The following MYO3B variants were observed in gnomAD, a reference collection of about 807,000 sequenced individuals.
MYO3B encodes myosin-IIIb.
MYO3B carries 156 observed loss-of-function variants against 174.6 expected under a neutral mutation model. That is an observed-to-expected ratio of 0.89 (90% CI 0.78 to 1.02). The LOEUF (loss-of-function observed/expected upper bound fraction) is 1.02, where lower values mean the gene tolerates loss of function less well. Ranked by LOEUF, MYO3B falls within the 50% of genes least tolerant of loss-of-function variation. The pLI is 0.00. For synonymous variants in MYO3B, 563 were observed against 569.1 expected, an observed-to-expected ratio of 0.99 and a Z score of 0.15; for missense variants, 1,632 against 1,639.4, an observed-to-expected ratio of 1.00 and a Z score of 0.08.
chr2:170,357,339 T>TTA (rs10675765), intron 8 of MYO3B, among the ~76,000 whole-genome samples: 37,707 of 145,224 alleles, frequency 0.26, 5,447 homozygotes, highest in Middle Eastern at 0.38. Context: ...ATAATATATA[T>TTA]TATATATATA....
At chr2:170,246,368 C>G (rs146871180) in intron 7 of MYO3B, among the ~76,000 whole-genome samples, 1,638 of 152,276 alleles carry the variant, frequency 0.011, 8 homozygotes, top group Middle Eastern at 0.068. Flanking sequence ...GGTGTGCCCC[C>G]TACAAACAGG....
intron 6 of MYO3B, among the ~76,000 whole-genome samples, chr2:170,231,778 C>G (rs948146244): frequency 6.6e-6 from 1 of 152,222 alleles, no homozygotes; most frequent in Admixed American, 6.5e-5. Context: ...ACTGTTCACT[C>G]TAGCTAATTT....
intron 8 of MYO3B, among the ~76,000 whole-genome samples, chr2:170,352,490 A>G (rs1426215095): frequency 6.6e-6 from 1 of 152,184 alleles, no homozygotes; most frequent in African/African-American, 2.4e-5. Flanking sequence ...AGAGATTTCT[A>G]TCTATATGAC....
At chr2:170,300,298 G>C (rs1306049631) in intron 7 of MYO3B, among the ~76,000 whole-genome samples, 1 of 152,162 alleles carries the variant, frequency 6.6e-6, no homozygotes, top group African/African-American at 2.4e-5. Context: ...CTGCTACAAT[G>C]ATGAGCTATG....
chr2:170,322,221 A>T (rs2093833585), intron 7 of MYO3B, among the ~76,000 whole-genome samples: 1 of 152,166 alleles, frequency 6.6e-6, no homozygotes, highest in Non-Finnish European at 1.5e-5. Context: ...TTTGAAAAAG[A>T]AATCTACGAA....
At chr2:170,336,802 A>C (rs926992102) in intron 8 of MYO3B, among the ~76,000 whole-genome samples, 4 of 152,194 alleles carry the variant, frequency 2.6e-5, no homozygotes, top group African/African-American at 9.7e-5. Context: ...GTAAACAGCT[A>C]TGAACCTATA....
chr2:170,324,374 A>T (rs2093849949), intron 7 of MYO3B, among the ~76,000 whole-genome samples: 2 of 152,194 alleles, frequency 1.3e-5, no homozygotes, highest in African/African-American at 4.8e-5. Flanking sequence ...GGATTGAAAA[A>T]CTATGAGTCT....
intron 1 of MYO3B, among the ~76,000 whole-genome samples, chr2:170,195,756 G>T (rs2105328576): frequency 6.6e-6 from 1 of 152,236 alleles, no homozygotes; most frequent in Non-Finnish European, 1.5e-5. Flanking sequence ...TCCTGCACCT[G>T]CCTGTCTATG....
chr2:170,207,567 T>C (rs2092726272), intron 3 of MYO3B, among the ~76,000 whole-genome samples: 1 of 151,826 alleles, frequency 6.6e-6, no homozygotes, highest in African/African-American at 2.4e-5. Context: ...CAGTCTAAGG[T>C]TTGGGAAATT....
chr2:170,271,985 G>A (rs1383900983), intron 7 of MYO3B, among the ~76,000 whole-genome samples: 2 of 151,958 alleles, frequency 1.3e-5, no homozygotes, highest in Non-Finnish European at 2.9e-5. Context: ...ACTTGCAGAT[G>A]CCAGCTGACT....
chr2:170,547,363 C>T (rs2106215762), intron 32 of MYO3B, among the ~76,000 whole-genome samples: 1 of 151,562 alleles, frequency 6.6e-6, no homozygotes, highest in Admixed American at 6.6e-5. Context: ...CCTAAACTGG[C>T]CCATGTGGTC....
rs539732452 is a variant in MYO3B at position 170,284,857 on chromosome 2, AT to A, written c.749+48726del. Among the ~76,000 whole-genome samples the A allele has an allele frequency of 1.1e-4, 17 of 152,134 alleles. No individual in the cohort carries two copies. The South Asian group carries it at 2.9e-3, about 26-fold the overall frequency. On this transcript the variant is annotated intron_variant, in intron 7 of 34. Coordinates refer to ENST00000408978, the MANE Select transcript of MYO3B (RefSeq NM_138995.5). ...GACCATCACAATAAAATTGGTGTGT[AT>A]TTTTCTTATGCATTTTAAAAAACTT...
intron 32 of MYO3B, among the ~76,000 whole-genome samples, chr2:170,616,149 C>A (rs1183798192): frequency 6.6e-6 from 1 of 152,154 alleles, no homozygotes; most frequent in Non-Finnish European, 1.5e-5. Flanking sequence ...GGACGTGAAG[C>A]TAGACAACCG....
chr2:170,342,089 C>T (rs764076077), intron 8 of MYO3B: 7 of 152,150 alleles, frequency 4.6e-5, no homozygotes, highest in Non-Finnish European at 5.9e-5. Flanking sequence ...GGCATAGTAA[C>T]GTGGGTAATC....
At chr2:170,362,381 C>T (rs562174758) in intron 8 of MYO3B, among the ~76,000 whole-genome samples, 144 of 152,274 alleles carry the variant, frequency 9.5e-4, no homozygotes, top group African/African-American at 3.0e-3. Flanking sequence ...GTGCTGACAG[C>T]TTTGTCTAAA....
chr2:170,478,244 C>T (rs373956903), intron 25 of MYO3B, among the ~76,000 whole-genome samples: 71 of 151,850 alleles, frequency 4.7e-4, no homozygotes, highest in African/African-American at 1.7e-3. Flanking sequence ...GTTCATTTAG[C>T]CAGGGAGAAG....
At chr2:170,506,668 G>A (rs1292828020) in intron 28 of MYO3B, among the ~76,000 whole-genome samples, 1 of 152,168 alleles carries the variant, frequency 6.6e-6, no homozygotes, top group Non-Finnish European at 1.5e-5. Context: ...ACGCTCTTTG[G>A]AATGGAGCTC....
At chr2:170,570,842 C>T (rs973203188) in intron 32 of MYO3B, among the ~76,000 whole-genome samples, 1 of 152,046 alleles carries the variant, frequency 6.6e-6, no homozygotes, top group African/African-American at 2.4e-5. Flanking sequence ...AAATGCTCTA[C>T]AAACTAGCAT....
chr2:170,392,122 C>CAA (rs35100967), intron 15 of MYO3B, among the ~76,000 whole-genome samples: 3 of 106,558 alleles, frequency 2.8e-5, no homozygotes, highest in African/African-American at 3.5e-5. Flanking sequence ...GACCCTGTCT[C>CAA]AAAAAAAAAA....
Sources: gnomAD v4.1 joint callset for allele counts (sites outside exome capture counted in the v4.1 genomes callset) on GRCh38, gnomAD v4.1.1 for gene constraint, MANE v1.5 for transcripts, NCBI Gene and HGNC (gene_info 2026-07-23, HGNC 2026-07-21) for gene names.